BMS1: variants seen among roughly 807,000 people sequenced by gnomAD.
BMS1 encodes ribosome biogenesis protein BMS1 homolog.
In BMS1, 53 loss-of-function variants were observed where a neutral mutation model predicts 138.7. The ratio of observed to expected loss-of-function variants is 0.38; its 90% CI spans 0.31 to 0.48. The LOEUF (loss-of-function observed/expected upper bound fraction) is 0.48, where lower values mean the gene tolerates loss of function less well. Ranked by LOEUF, BMS1 falls within the 20% of genes least tolerant of loss-of-function variation. The pLI is 0.97. For synonymous variants in BMS1, 504 were observed against 539.9 expected (o/e 0.93, Z 0.92); for missense variants, 1,360 against 1,565.5 (o/e 0.87, Z 2.22).
In BMS1 at chr10:42,831,700, T is replaced by C. The variant is rs1344705796; in HGVS notation, c.*604T>C. 1 of 153,122 alleles carries C rather than the reference T, an allele frequency of 6.5e-6. No homozygotes were observed. The highest frequency in any genetic ancestry group is 1.5e-5 in the Non-Finnish European group (1 of 68,730). The allele number at this position is 153,122 out of a possible 1,614,324, so 9.5% of individuals were successfully genotyped here. A position where few individuals can be genotyped will look rare whatever the true frequency, so the allele number is the denominator to read the frequency against. On this transcript the variant is annotated 3_prime_UTR_variant, in exon 23 of 23. Transcript: ENST00000374518. ...ATTTCATATGTTCTGCACATTAGTA[T>C]AGTGACAAGGTAACAGTAAGTACTT... is the stretch of plus-strand genomic sequence containing the variant.
At position 42,796,618 on chromosome 10, in the gene BMS1, C is replaced by T. The variant is rs372823965; in HGVS notation, c.1374C>T (p.Asn458=). The change falls in exon 10 of 23, where the codon AAC becomes AAT. Residue 458 remains asparagine (N), a synonymous_variant. Transcript: ENST00000374518. ...TGTCTGAAGATGACGGGTTGGAAAA[C>T]GGCTCTAGTGATGAGGAAGCAGAAG... is the stretch of plus-strand genomic sequence containing the variant. ...DEMSEDDGLE[N]GSSDEEAEEE... is the part of the protein sequence containing the mutation. The T allele has an allele frequency of 3.7e-5, 59 of 1,614,056 alleles. No individual in the cohort carries two copies. The highest frequency in any genetic ancestry group is 3.6e-4 in the African/African-American group (27 of 74,996).
At position 42,792,987 on chromosome 10, in the gene BMS1, G is replaced by A; in HGVS notation, c.932G>A (p.Ser311Asn). The A allele has an allele frequency of 6.2e-7, 1 of 1,612,170 alleles. No individual in the cohort carries two copies. Among genetic ancestry groups the A allele is most frequent in the Non-Finnish European group, 8.5e-7 (1 of 1,179,532 alleles). Residue 311 changes from serine to asparagine, a missense_variant, in exon 8 of 23, where the codon AGT becomes AAT. Ser to Asn is a conservative substitution (Grantham distance 46, BLOSUM62 1). Coordinates refer to ENST00000374518, the MANE Select transcript of BMS1 (RefSeq NM_014753.4). The part of the protein sequence containing the change: ...GVGDFAVSDI[S>N]FLPDPCALPE... The stretch of plus-strand genomic sequence containing the variant: ...GGAGATTTTGCCGTGAGTGACATCA[G>A]TTTCCTCCCAGACCCTTGCGCTCTT...
chr10:42,797,660 T>G, intron 11 of BMS1, 137 bp downstream of exon 11: 1 of 813,272 alleles, frequency 1.2e-6, no homozygotes, highest in Non-Finnish European at 2.0e-6. Context: ...GACAGATGTC[T>G]CTAATCATCA....
intron 13 of BMS1, among the ~76,000 whole-genome samples, chr10:42,806,595 C>T (rs968598119): frequency 8.6e-5 from 13 of 152,008 alleles, no homozygotes; most frequent in African/African-American, 2.7e-4. Context: ...ATTAGCCAAG[C>T]GTGGTGGCAC....
intron 3 of BMS1, among the ~76,000 whole-genome samples, chr10:42,786,182 C>T (rs775436067): frequency 3.3e-5 from 5 of 152,226 alleles, no homozygotes; most frequent in South Asian, 2.1e-4. Context: ...ACAGATAGCA[C>T]GCACCTCCTA....
intron 13 of BMS1, among the ~76,000 whole-genome samples, chr10:42,816,226 G>T (rs993172153): frequency 6.6e-5 from 10 of 152,132 alleles, no homozygotes; most frequent in African/African-American, 2.4e-4. Flanking sequence ...TTGAACCCGG[G>T]AGGCGGAGGT....
chr10:42,786,233 GGT>G (rs1300882550), intron 3 of BMS1, among the ~76,000 whole-genome samples: 3 of 152,170 alleles, frequency 2.0e-5, no homozygotes, highest in African/African-American at 7.2e-5. Flanking sequence ...GCCACATTCT[GGT>G]GGAAGTGCGA....
Position 42,796,606 on chromosome 10 carries a change from C to G in BMS1, c.1362C>G (p.Asp454Glu). The change falls in exon 10 of 23, where the codon GAC becomes GAG. Residue 454 changes from aspartate (D) to glutamate (E), a missense_variant. By Grantham distance (45) the Asp-to-Glu change is conservative (BLOSUM62 2). This residue lies in a region of BMS1 where 697 missense variants were observed against 686.2 expected (regional missense o/e 1.02). Coordinates refer to ENST00000374518, the MANE Select transcript of BMS1 (RefSeq NM_014753.4). ...DEEDDEMSED[D>E]GLENGSSDEE... is the part of the protein sequence containing the mutation. Reference sequence around the variant, plus strand: ...AAGATGATGAAATGTCTGAAGATGACGGGTTGGAAAACGGCTCTAGTGATG... The same window carrying G: ...AAGATGATGAAATGTCTGAAGATGAGGGGTTGGAAAACGGCTCTAGTGATG... 4.3e-6 allele frequency: 7 copies of G among 1,613,924 alleles called. No homozygotes were observed. The highest frequency in any genetic ancestry group is 5.9e-6 in the Non-Finnish European group (7 of 1,179,998).
chr10:42,820,465 G>A (rs1296129621), intron 16 of BMS1, 41 bp downstream of exon 16: 2 of 1,611,354 alleles, frequency 1.2e-6, no homozygotes, highest in African/African-American at 2.7e-5. Context: ...GAGGCTCTGT[G>A]GATTTCCCCT....
chr10:42,794,068 A>G, intron 9 of BMS1, 77 bp downstream of exon 9: 1 of 1,518,990 alleles, frequency 6.6e-7, no homozygotes. Flanking sequence ...CAGCCATCAT[A>G]ACACATTTCG....
chr10:42,794,432 T>G (rs1841609130), intron 9 of BMS1, among the ~76,000 whole-genome samples: 1 of 152,018 alleles, frequency 6.6e-6, no homozygotes, highest in South Asian at 2.1e-4. Context: ...ATGTGAATTA[T>G]TTTCCAGTCT....
rs1011378125 is a variant in BMS1 at position 42,798,556 on chromosome 10, G to C, written c.2178G>C (p.Lys726Asn). Residue 726 changes from lysine to asparagine, a missense_variant, in exon 12 of 23, where the codon AAG becomes AAC. Lys to Asn is a moderately conservative substitution (Grantham distance 94). Around this residue, in one of 3 missense-constraint regions of BMS1, gnomAD observed 697 missense variants for 686.2 expected, o/e 1.02. Transcript: ENST00000374518. Reference protein sequence around the residue: ...FRVNQPDRECKHKADSLDCSR... With the variant: ...FRVNQPDRECNHKADSLDCSR... ...TCAACCAGCCTGACAGAGAGTGTAA[G>C]CACAAGGCTGACTCTTTGGACTGCT... The C allele has an allele frequency of 1.4e-5, 23 of 1,614,148 alleles. No individual in the cohort carries two copies. The highest frequency in any genetic ancestry group is 2.7e-5 in the African/African-American group (2 of 74,942).
chr10:42,811,320 G>C lies in BMS1; in HGVS notation c.2330-5279G>C, dbSNP rs570623269. On this transcript the variant is annotated intron_variant, in intron 13 of 22. Transcript: ENST00000374518. ...GGCCTCCCAAAGTGCTGGGAATACAGGCATGAGCCACCACATCCGGCCAAT... is the reference window on the plus strand; with the variant it reads ...GGCCTCCCAAAGTGCTGGGAATACACGCATGAGCCACCACATCCGGCCAAT... Among the ~76,000 whole-genome samples, 4 of 151,930 alleles carry C rather than the reference G, an allele frequency of 2.6e-5. No homozygotes were observed. In the East Asian group the frequency reaches 7.8e-4, roughly 30 times the overall value.
intron 13 of BMS1, among the ~76,000 whole-genome samples, chr10:42,812,574 C>G (rs185497458): frequency 2.1e-3 from 325 of 152,272 alleles, no homozygotes; most frequent in Non-Finnish European, 2.9e-3. Flanking sequence ...GGTCCCTGCC[C>G]TAAAGTGTAG....
Position 42,823,699 on chromosome 10 carries a change from A to T in BMS1, c.3371A>T (p.Asp1124Val), listed in dbSNP as rs774338970. ...TSLLKPVGEK[D>V]TWSGMRTTGQ... Reference sequence around the variant, plus strand: ...TTGTTGAAACCAGTGGGTGAGAAAGACACCTGGTCAGGAATGCGGACCACG... The same window carrying T: ...TTGTTGAAACCAGTGGGTGAGAAAGTCACCTGGTCAGGAATGCGGACCACG... The change falls in exon 21 of 23, where the codon GAC (aspartate) becomes GTC (valine). Residue 1124 changes from aspartate (D) to valine (V), a missense_variant. Coordinates refer to ENST00000374518, the MANE Select transcript of BMS1 (RefSeq NM_014753.4). 6 of 1,596,086 alleles carry T rather than the reference A, an allele frequency of 3.8e-6. No individual in the cohort carries two copies. Among genetic ancestry groups the T allele is most frequent in the Non-Finnish European group, 4.2e-6 (5 of 1,179,674 alleles).
chr10:42,784,423 G>A lies in BMS1; in HGVS notation c.29G>A (p.Arg10Lys), dbSNP rs544712210. 4.3e-6 allele frequency: 7 copies of A among 1,610,902 alleles called. No homozygotes were observed. The Admixed American group carries it at 1.0e-4, about 23-fold the overall frequency. ...GAGGCTAAGGACCAGAAGAAACACA[G>A]AAAGAAAAACAGTGGACCCAAAGCT... MEAKDQKKH[R>K]KKNSGPKAAK... Residue 10 changes from arginine (R) to lysine (K), a missense_variant, in exon 2 of 23, where the codon AGA becomes AAA. Arg to Lys is a conservative substitution (Grantham distance 26, BLOSUM62 2). Around this residue, in one of 3 missense-constraint regions of BMS1, gnomAD observed 238 missense variants for 311.1 expected, o/e 0.77. Coordinates refer to ENST00000374518, the MANE Select transcript of BMS1 (RefSeq NM_014753.4).
intron 13 of BMS1, among the ~76,000 whole-genome samples, chr10:42,813,888 T>C (rs373670295): frequency 1.4e-4 from 22 of 152,322 alleles, no homozygotes; most frequent in East Asian, 1.2e-3. Context: ...TCATGGGATA[T>C]AGAATTTGCA....
rs998134168 is a variant in BMS1 at position 42,808,448 on chromosome 10, A to G, written c.2329+6230A>G. On this transcript the variant is annotated intron_variant, in intron 13 of 22. Coordinates refer to ENST00000374518, the MANE Select transcript of BMS1 (RefSeq NM_014753.4). The stretch of plus-strand genomic sequence containing the variant: ...CGAGTAGCTGGGACTACAGGCGCCC[A>G]CCACCACATCCGGCTAATTTTTTTG... Among the ~76,000 whole-genome samples, 7 of 151,490 alleles carry G rather than the reference A, an allele frequency of 4.6e-5. 1 individual carries two copies. Among genetic ancestry groups the G allele is most frequent in the African/African-American group, 1.5e-4 (6 of 41,334 alleles).
rs754320718 is a variant in BMS1, at chr10:42,796,469, T to TA, written c.1230-4dup. 3.1e-6 allele frequency: 5 copies of TA among 1,605,806 alleles called. No individual in the cohort carries two copies. In the Admixed American group the frequency reaches 6.7e-5, roughly 22 times the overall value. Reference sequence around the variant, plus strand: ...GAATTATTTTGTATTTCCTTGGTAATACAGGCTAATGATGCCAAAGGAGGA... The same window carrying TA: ...GAATTATTTTGTATTTCCTTGGTAATAACAGGCTAATGATGCCAAAGGAGGA... On this transcript the variant is annotated splice_polypyrimidine_tract_variant and splice_region_variant and intron_variant, in intron 9 of 22. Coordinates refer to ENST00000374518, the MANE Select transcript of BMS1 (RefSeq NM_014753.4).
Sources: allele counts gnomAD v4.1 joint callset (sites outside exome capture counted in the v4.1 genomes callset), GRCh38; gene constraint gnomAD v4.1.1; regional missense constraint gnomAD v4.1.1; transcripts MANE v1.5; gene names NCBI Gene and HGNC (gene_info 2026-07-23, HGNC 2026-07-21).